Variants in ZNF385D observed in about 807,000 individuals in gnomAD.
The protein encoded by ZNF385D is zinc finger protein 385D, also known as zinc finger protein 659.
Under a neutral mutation model 35.8 loss-of-function variants are expected in ZNF385D, and 15 were observed. The observed-to-expected ratio is 0.42, with a 90% CI of 0.28 to 0.64. The LOEUF (loss-of-function observed/expected upper bound fraction) is 0.64. Ranked by LOEUF, ZNF385D falls within the 30% of genes least tolerant of loss-of-function variation. The pLI is 0.23. For synonymous variants in ZNF385D, 212 were observed against 186.8 expected (o/e 1.13, Z -1.10); for missense variants, 474 against 494.6 (o/e 0.96, Z 0.39).
chr3:21,865,866 T>C (rs1293086527), intron 3 of ZNF385D, among the ~76,000 whole-genome samples: 1 of 152,122 alleles, frequency 6.6e-6, no homozygotes, highest in Non-Finnish European at 1.5e-5. Flanking sequence ...ATAAATATTG[T>C]ATTTGCAGCT....
rs371720247 is a variant in ZNF385D, at chr3:22,099,613, T to C, written c.325+69204A>G. On this transcript the variant is annotated intron_variant, in intron 3 of 5. Transcript: ENST00000494108. Reference sequence around the variant, plus strand: ...GAGGGTAAACCTGATTTAGTGGAAATGGAAATAATCCCTTGTGTGCCCACA... The same window carrying C: ...GAGGGTAAACCTGATTTAGTGGAAACGGAAATAATCCCTTGTGTGCCCACA... Among the ~76,000 whole-genome samples the C allele has an allele frequency of 1.4e-4, 22 of 152,052 alleles. No individual in the cohort carries two copies. In the East Asian group the frequency reaches 2.9e-3, roughly 20 times the overall value.
intron 2 of ZNF385D, among the ~76,000 whole-genome samples, chr3:22,247,550 A>G (rs908731286): frequency 2.0e-5 from 3 of 152,084 alleles, no homozygotes; most frequent in Admixed American, 1.3e-4. Context: ...CACACAAATT[A>G]AAGAGTCTTT....
In ZNF385D at chr3:21,420,442, C is replaced by T. The variant is rs1270199887; in HGVS notation, c.*772G>A. 1.3e-5 allele frequency: 2 copies of T among 152,174 alleles called. No individual in the cohort carries two copies. The highest frequency in any genetic ancestry group is 4.8e-5 in the African/African-American group (2 of 41,444). The allele number at this position is 152,174 out of a possible 1,614,324, so 9.4% of individuals were successfully genotyped here. A position where few individuals can be genotyped will look rare whatever the true frequency, so the allele number is the denominator to read the frequency against. ...AATATATCTTCAGGGTGGGAAGTTACTACTTTATAAGAAATCACCTTTATT... is the reference window on the plus strand; with the variant it reads ...AATATATCTTCAGGGTGGGAAGTTATTACTTTATAAGAAATCACCTTTATT... On this transcript the variant is annotated 3_prime_UTR_variant, in exon 8 of 8. Transcript: ENST00000281523.
chr3:21,839,552 G>T (rs544008402), intron 3 of ZNF385D, among the ~76,000 whole-genome samples: 8 of 152,236 alleles, frequency 5.3e-5, no homozygotes, highest in Non-Finnish European at 1.5e-5. Context: ...TATTAGGCAA[G>T]AGAGGCTAGC....
chr3:22,037,548 T>G (rs900851677), intron 3 of ZNF385D, among the ~76,000 whole-genome samples: 15 of 152,174 alleles, frequency 9.9e-5, no homozygotes, highest in African/African-American at 3.4e-4. Flanking sequence ...CACCCACTTT[T>G]TGATGGGGTT....
chr3:22,000,627 G>C (rs1695780585), intron 3 of ZNF385D, among the ~76,000 whole-genome samples: 1 of 151,700 alleles, frequency 6.6e-6, no homozygotes, highest in Non-Finnish European at 1.5e-5. Context: ...CAAAGACAAA[G>C]AGAGAATTCT....
At chr3:21,654,767 A>G (rs2066023374) in intron 2 of ZNF385D, among the ~76,000 whole-genome samples, 2 of 151,798 alleles carry the variant, frequency 1.3e-5, no homozygotes, top group Admixed American at 6.6e-5. Flanking sequence ...TTAAGTTGCT[A>G]TAAATACCTC....
chr3:22,022,976 T>A (rs1294730002), intron 3 of ZNF385D, among the ~76,000 whole-genome samples: 1 of 152,136 alleles, frequency 6.6e-6, no homozygotes. Context: ...ATTGGGAGTC[T>A]AAAGAAGGCA....
At chr3:21,980,238 A>C (rs6784031) in intron 3 of ZNF385D, among the ~76,000 whole-genome samples, 48,337 of 152,006 alleles carry the variant, frequency 0.32, 10,827 homozygotes, top group African/African-American at 0.64. Context: ...GCCCCAGTCA[A>C]GCTTTCAGTT....
intron 2 of ZNF385D, among the ~76,000 whole-genome samples, chr3:22,213,445 T>C (rs1276190796): frequency 6.6e-6 from 1 of 152,080 alleles, no homozygotes; most frequent in Non-Finnish European, 1.5e-5. Flanking sequence ...AGATGTGATT[T>C]ACTTCTAGAA....
At chr3:21,624,450 TA>T (rs1240028525) in intron 2 of ZNF385D, among the ~76,000 whole-genome samples, 1 of 152,068 alleles carries the variant, frequency 6.6e-6, no homozygotes, top group Admixed American at 6.6e-5. Flanking sequence ...CAGATACATA[TA>T]AAAGATGAAA....
chr3:21,784,518 G>C (rs1301230641), intron 3 of ZNF385D, among the ~76,000 whole-genome samples: 1 of 152,014 alleles, frequency 6.6e-6, no homozygotes, highest in African/African-American at 2.4e-5. Flanking sequence ...TATATATTTA[G>C]ATAGAGAAAA....
At chr3:21,948,907 T>G (rs1244445165) in intron 3 of ZNF385D, among the ~76,000 whole-genome samples, 1 of 152,178 alleles carries the variant, frequency 6.6e-6, no homozygotes, top group African/African-American at 2.4e-5. Context: ...AACTTTAAAT[T>G]AAACAATTAT....
intron 2 of ZNF385D, among the ~76,000 whole-genome samples, chr3:21,572,745 A>G (rs1225176747): frequency 6.6e-6 from 1 of 152,230 alleles, no homozygotes; most frequent in Non-Finnish European, 1.5e-5. Flanking sequence ...ACCCTTGCAC[A>G]GCAGAAAACC....
intron 2 of ZNF385D, among the ~76,000 whole-genome samples, chr3:21,655,017 GA>G (rs1186319336): frequency 2.6e-5 from 4 of 151,932 alleles, no homozygotes; most frequent in African/African-American, 9.7e-5. Context: ...ACTTAGTTGT[GA>G]AAATGGATTT....
At chr3:22,252,179 A>G (rs1239121906) in intron 2 of ZNF385D, among the ~76,000 whole-genome samples, 2 of 152,066 alleles carry the variant, frequency 1.3e-5, no homozygotes, top group East Asian at 1.9e-4. Flanking sequence ...TCAGAATTTC[A>G]AAGAATTGAT....
intron 3 of ZNF385D, among the ~76,000 whole-genome samples, chr3:21,875,048 T>C (rs1385778158): frequency 1.3e-5 from 2 of 152,084 alleles, no homozygotes; most frequent in African/African-American, 2.4e-5. Flanking sequence ...TTTAGGGTTA[T>C]TCATTGTTTA....
chr3:21,719,954 T>C (rs1182905521), intron 1 of ZNF385D, among the ~76,000 whole-genome samples: 1 of 152,206 alleles, frequency 6.6e-6, no homozygotes, highest in Non-Finnish European at 1.5e-5. Flanking sequence ...ATGATTTCAC[T>C]TCTCTTGGCC....
At chr3:22,132,880 G>C (rs1703882982) in intron 3 of ZNF385D, among the ~76,000 whole-genome samples, 1 of 152,040 alleles carries the variant, frequency 6.6e-6, no homozygotes, top group Admixed American at 6.6e-5. Flanking sequence ...TTAAGGAAGA[G>C]ATTAACCCAA....
Sources: allele counts gnomAD v4.1 joint callset (sites outside exome capture counted in the v4.1 genomes callset), GRCh38; gene constraint gnomAD v4.1.1; transcripts MANE v1.5; gene names NCBI Gene and HGNC (gene_info 2026-07-23, HGNC 2026-07-21).